VAC14: variants seen among roughly 807,000 people sequenced by gnomAD.
VAC14 encodes the protein VAC14 component of PIKFYVE complex, also known as protein VAC14 homolog.
A neutral mutation model predicts 85.3 loss-of-function variants in VAC14; 47 were observed. The observed-to-expected ratio is 0.55, with a 90% CI of 0.44 to 0.70. The LOEUF (loss-of-function observed/expected upper bound fraction) is 0.70. Ranked by LOEUF, VAC14 falls within the 30% of genes least tolerant of loss-of-function variation. The pLI is 0.00. For missense variants in VAC14, 861 were observed against 1,004.3 expected (o/e 0.86, Z 1.93); for synonymous variants, 447 against 430.5 (o/e 1.04, Z -0.47).
Position 70,762,140 on chromosome 16 carries a change from C to G in VAC14, c.1371+400G>C, listed in dbSNP as rs900339245. Among the ~76,000 whole-genome samples the G allele has an allele frequency of 6.6e-6, 1 of 151,962 alleles. No homozygotes were observed. The highest frequency in any genetic ancestry group is 1.5e-5 in the Non-Finnish European group (1 of 67,994). On this transcript the variant is annotated intron_variant, in intron 12 of 18. Coordinates refer to ENST00000261776, the MANE Select transcript of VAC14 (RefSeq NM_018052.5). This position sits in a 1 kb window ranked among gnomAD's most constrained non-coding sequence, Gnocchi z 4.1. Reference sequence around the variant, plus strand: ...TTTGTTTTTTTGAGACAGGGTCTCACTCTGTCGCCCAAGCTGGAGTGCAGT... The same window carrying G: ...TTTGTTTTTTTGAGACAGGGTCTCAGTCTGTCGCCCAAGCTGGAGTGCAGT...
intron 14 of VAC14, among the ~76,000 whole-genome samples, chr16:70,725,110 C>T (rs1350179174): frequency 1.3e-5 from 2 of 152,270 alleles, no homozygotes; most frequent in Non-Finnish European, 2.9e-5. Flanking sequence ...CTGGCCACTT[C>T]ACTCTAATTC....
intron 16 of VAC14, 76 bp downstream of exon 16, chr16:70,697,063 T>C (rs781140437): frequency 7.9e-7 from 1 of 1,262,856 alleles, no homozygotes; most frequent in South Asian, 1.2e-5. Flanking sequence ...GGCCCGCCTG[T>C]TGGGTGGAAA....
At chr16:70,715,682 C>G (rs1411029537) in intron 14 of VAC14, 1 of 152,236 alleles carries the variant, frequency 6.6e-6, no homozygotes, top group Non-Finnish European at 1.5e-5. Flanking sequence ...TTTTTACCCA[C>G]TTGGTATTTT....
intron 10 of VAC14, chr16:70,768,826 A>C (rs1182337476): frequency 4.4e-6 from 2 of 453,630 alleles, no homozygotes; most frequent in South Asian, 3.1e-5. Flanking sequence ...TGTGTGACAG[A>C]GTCTCGCTCT....
chr16:70,792,572 C>T (rs1367133287), intron 1 of VAC14, among the ~76,000 whole-genome samples: 1 of 152,228 alleles, frequency 6.6e-6, no homozygotes, highest in Non-Finnish European at 1.5e-5. Context: ...CAGGAACACC[C>T]ATTCCCCAGA....
intron 12 of VAC14, among the ~76,000 whole-genome samples, chr16:70,753,346 G>A (rs1398451209): frequency 6.6e-6 from 1 of 152,228 alleles, no homozygotes; most frequent in Non-Finnish European, 1.5e-5. Context: ...GCTCCTGCCA[G>A]TCTGTGGGCC....
chr16:70,744,723 G>T, intron 12 of VAC14, 144 bp from the exon 13 acceptor site: 1 of 933,912 alleles, frequency 1.1e-6, no homozygotes, highest in Non-Finnish European at 1.5e-6. Context: ...AGCCACTAAG[G>T]CCACAGCTGG....
chr16:70,698,088 T>C (rs1181128397), intron 15 of VAC14, among the ~76,000 whole-genome samples: 1 of 152,166 alleles, frequency 6.6e-6, no homozygotes, highest in African/African-American at 2.4e-5. Context: ...GACCAGTCGT[T>C]GGTGCATCCC....
At chr16:70,712,167 CAT>C (rs952394600) in intron 14 of VAC14, among the ~76,000 whole-genome samples, 5 of 152,164 alleles carry the variant, frequency 3.3e-5, no homozygotes, top group African/African-American at 1.2e-4. Context: ...TTTTCATCCA[CAT>C]GTTCCCTGCC....
chr16:70,783,617 G>T (rs2033917229), intron 5 of VAC14, 63 bp from the exon 6 acceptor site: 2 of 1,542,510 alleles, frequency 1.3e-6, no homozygotes, highest in Non-Finnish European at 8.9e-7. Context: ...TGCTCACCAA[G>T]CCTCTGGGAC....
At chr16:70,704,407 G>C (rs545859521) in intron 14 of VAC14, among the ~76,000 whole-genome samples, 1 of 152,210 alleles carries the variant, frequency 6.6e-6, no homozygotes, top group Admixed American at 6.5e-5. Flanking sequence ...TCTCCTCCAG[G>C]GATAAGACAG....
intron 9 of VAC14, among the ~76,000 whole-genome samples, chr16:70,774,011 G>A (rs1433033214): frequency 6.6e-6 from 1 of 151,724 alleles, no homozygotes; most frequent in Non-Finnish European, 1.5e-5. Context: ...CTGGGCTCAA[G>A]TGATCCACCC....
intron 14 of VAC14, among the ~76,000 whole-genome samples, chr16:70,723,966 G>A (rs1481934766): frequency 6.6e-6 from 1 of 152,142 alleles, no homozygotes; most frequent in Non-Finnish European, 1.5e-5. Flanking sequence ...TTGGGCTGTG[G>A]GGACAGGGGT....
At chr16:70,773,141 G>C (rs1173118597) in intron 9 of VAC14, 1 of 152,156 alleles carries the variant, frequency 6.6e-6, no homozygotes, top group Non-Finnish European at 1.5e-5. Context: ...AATTGATTGT[G>C]GTGATGGTTA....
intron 6 of VAC14, 135 bp downstream of exon 6, chr16:70,783,310 A>C: frequency 1.9e-6 from 2 of 1,070,078 alleles, no homozygotes; most frequent in Non-Finnish European, 2.8e-6. Flanking sequence ...TGGCTCCTCA[A>C]AGCGGGAAGC....
chr16:70,746,617 G>T (rs866533398), intron 12 of VAC14, among the ~76,000 whole-genome samples: 4 of 152,214 alleles, frequency 2.6e-5, no homozygotes, highest in Non-Finnish European at 4.4e-5. Context: ...CAGCCTAGAA[G>T]TAGGGAGGGC....
chr16:70,784,172 A>C lies in VAC14; in HGVS notation c.535T>G (p.Leu179Val). ...TTGGAGTAAATCCTCTCTCGCAACAAGGGGATGAAGCTCACCAGGTCAAAC... is the reference window on the plus strand; with the variant it reads ...TTGGAGTAAATCCTCTCTCGCAACACGGGGATGAAGCTCACCAGGTCAAAC... ...NKFDLVSFIP[L>V]LRERIYSNNQ... is the part of the protein sequence containing the mutation. The change falls in exon 5 of 19, where the codon TTG becomes GTG. Residue 179 changes from leucine to valine, a missense_variant. Physicochemically the swap from Leu to Val is conservative, Grantham distance 32. Coordinates refer to ENST00000261776, the MANE Select transcript of VAC14 (RefSeq NM_018052.5). 1.2e-6 allele frequency: 2 copies of C among 1,614,180 alleles called. No homozygotes were observed. The highest frequency in any genetic ancestry group is 8.5e-7 in the Non-Finnish European group (1 of 1,180,028).
intron 12 of VAC14, among the ~76,000 whole-genome samples, chr16:70,757,163 G>A (rs1419948701): frequency 1.3e-5 from 2 of 152,310 alleles, no homozygotes; most frequent in Non-Finnish European, 2.9e-5. Context: ...AGACTCTGGG[G>A]ACACTTTCTC....
intron 9 of VAC14, among the ~76,000 whole-genome samples, chr16:70,778,243 G>A (rs746290355): frequency 2.6e-5 from 4 of 152,116 alleles, no homozygotes; most frequent in African/African-American, 9.7e-5. Context: ...CGGGCCTCCC[G>A]CGTGGCAGGC....
Sources: gnomAD v4.1 joint callset for allele counts (sites outside exome capture counted in the v4.1 genomes callset) on GRCh38, gnomAD v4.1.1 for gene constraint, Gnocchi (gnomAD v3.1) non-coding constraint, MANE v1.5 for transcripts, NCBI Gene and HGNC (gene_info 2026-07-23, HGNC 2026-07-21) for gene names.